The following CUL2 variants were observed in gnomAD, a reference collection of about 807,000 sequenced individuals.
The protein encoded by CUL2 is cullin-2.
CUL2 carries 22 observed loss-of-function variants against 110.2 expected under a neutral mutation model. The ratio of observed to expected loss-of-function variants is 0.20; its 90% CI spans 0.14 to 0.28. CUL2 has a LOEUF of 0.28. Ranked by LOEUF, CUL2 falls within the 10% of genes least tolerant of loss-of-function variation. The probability of loss-of-function intolerance (pLI) is 1.00; values close to 1 mark genes in which losing one functional copy is unlikely to be tolerated. For synonymous variants in CUL2, 279 were observed against 293.2 expected, an observed-to-expected ratio of 0.95 and a Z score of 0.49; for missense variants, 631 against 905.5, an observed-to-expected ratio of 0.70 and a Z score of 3.89.
intron 4 of CUL2, among the ~76,000 whole-genome samples, chr10:35,056,416 A>G (rs1185733787): frequency 6.6e-6 from 1 of 152,220 alleles, no homozygotes; most frequent in Non-Finnish European, 1.5e-5. Context: ...GCTGAATACT[A>G]TAAGACAGAT....
chr10:35,028,705 T>TA, intron 16 of CUL2, 105 bp downstream of exon 16: 8 of 664,322 alleles, frequency 1.2e-5, no homozygotes, highest in Non-Finnish European at 2.0e-5. Context: ...AATCTATTTT[T>TA]ATCACATGAA....
chr10:35,110,817 C>T (rs910713469), intron 1 of CUL2, among the ~76,000 whole-genome samples: 8 of 152,084 alleles, frequency 5.3e-5, no homozygotes, highest in Non-Finnish European at 1.0e-4. Flanking sequence ...GGTCCTATCC[C>T]GATGGCCTCA....
At chr10:35,118,066 A>G (rs2135142811) in intron 1 of CUL2, 1 of 152,318 alleles carries the variant, frequency 6.6e-6, no homozygotes, top group East Asian at 1.9e-4. Context: ...AAGTGCATAC[A>G]TTAGGCTTCA....
chr10:35,049,171 G>T (rs977661616), intron 6 of CUL2, among the ~76,000 whole-genome samples: 1 of 152,018 alleles, frequency 6.6e-6, no homozygotes, highest in East Asian at 1.9e-4. Flanking sequence ...ACAGCACTAG[G>T]GTAAAAAGTG....
chr10:35,036,323 A>C (rs1204289209), intron 9 of CUL2, among the ~76,000 whole-genome samples: 1 of 152,222 alleles, frequency 6.6e-6, no homozygotes, highest in Admixed American at 6.5e-5. Context: ...GTATGAATAT[A>C]CTGTACTATT....
chr10:35,047,683 C>T (rs1034445549), intron 6 of CUL2, among the ~76,000 whole-genome samples: 9 of 148,642 alleles, frequency 6.1e-5, no homozygotes, highest in African/African-American at 2.2e-4. Flanking sequence ...TTTTGGAGGC[C>T]GAGAAAGTTG....
intron 1 of CUL2, among the ~76,000 whole-genome samples, chr10:35,104,805 C>G (rs911282615): frequency 6.6e-6 from 1 of 151,936 alleles, no homozygotes; most frequent in Non-Finnish European, 1.5e-5. Flanking sequence ...TCTCAGCTCA[C>G]TACAACCTCC....
chr10:35,049,505 AG>A (rs2086038265), intron 6 of CUL2, among the ~76,000 whole-genome samples, 177 bp downstream of exon 6: 1 of 152,080 alleles, frequency 6.6e-6, no homozygotes, highest in African/African-American at 2.4e-5. Flanking sequence ...AAAAGAAAGA[AG>A]AAGAAGAAGA....
chr10:35,050,680 C>T (rs2086080110), intron 5 of CUL2, among the ~76,000 whole-genome samples: 1 of 152,192 alleles, frequency 6.6e-6, no homozygotes, highest in African/African-American at 2.4e-5. Flanking sequence ...CACTGCTATA[C>T]AGCATCCTGT....
intron 20 of CUL2, among the ~76,000 whole-genome samples, chr10:35,011,463 C>T (rs911636092): frequency 4.6e-5 from 7 of 151,954 alleles, no homozygotes; most frequent in African/African-American, 1.7e-4. Context: ...ACGAAAAATA[C>T]AAAAATTAGC....
rs747819683 is a variant in CUL2, at chr10:35,075,991, G to A, written c.-22-4652C>T. Among the ~76,000 whole-genome samples, 261 of 152,228 alleles carry A rather than the reference G, an allele frequency of 1.7e-3. 4 individuals are homozygous for A. Among genetic ancestry groups the A allele is most frequent in the Admixed American group, 1.1e-3 (17 of 15,284 alleles). On this transcript the variant is annotated intron_variant, in intron 1 of 20. Transcript: ENST00000374749. The stretch of plus-strand genomic sequence containing the variant: ...AAAAACTGGTACACAAATGTTCACT[G>A]TAGTATTATTCATAAAGGCCCTTGA...
upstream of CUL2, chr10:35,090,576 C>G (rs2087186026): frequency 6.6e-6 from 1 of 152,580 alleles, no homozygotes; most frequent in African/African-American, 2.4e-5. Context: ...CCGGCTTTGC[C>G]CAACACACAC....
At chr10:35,037,906 C>T (rs2085665517) in intron 9 of CUL2, among the ~76,000 whole-genome samples, 1 of 152,044 alleles carries the variant, frequency 6.6e-6, no homozygotes, top group Non-Finnish European at 1.5e-5. Context: ...GTAATCCCAG[C>T]ACTTCGGGAG....
intron 20 of CUL2, among the ~76,000 whole-genome samples, chr10:35,011,211 ATT>A (rs5784437): frequency 1.4e-4 from 19 of 133,718 alleles, no homozygotes; most frequent in Non-Finnish European, 1.7e-4. Flanking sequence ...TAATTTTTTA[ATT>A]TTTTTTTTTT....
intron 3 of CUL2, among the ~76,000 whole-genome samples, chr10:35,061,550 T>C (rs962068778): frequency 5.9e-5 from 9 of 152,118 alleles, no homozygotes; most frequent in African/African-American, 1.9e-4. Flanking sequence ...TTATCACTTA[T>C]GGTGTTAACC....
At chr10:35,048,550 T>A (rs1300185853) in intron 6 of CUL2, among the ~76,000 whole-genome samples, 1 of 152,180 alleles carries the variant, frequency 6.6e-6, no homozygotes, top group Non-Finnish European at 1.5e-5. Context: ...AAAAGAAAAG[T>A]TAGTATATTT....
intron 1 of CUL2, among the ~76,000 whole-genome samples, chr10:35,110,273 T>A (rs982025556): frequency 2.0e-5 from 3 of 152,076 alleles, no homozygotes; most frequent in Admixed American, 2.0e-4. Flanking sequence ...GATTAAAGAA[T>A]AGAAATTTAT....
chr10:35,026,531 A>G (rs1412293939), intron 16 of CUL2, among the ~76,000 whole-genome samples: 1 of 152,204 alleles, frequency 6.6e-6, no homozygotes, highest in Non-Finnish European at 1.5e-5. Flanking sequence ...TTTAAAAGGT[A>G]TATTCCAAGC....
chr10:35,081,323 C>T (rs905003091), intron 1 of CUL2, among the ~76,000 whole-genome samples: 1 of 152,190 alleles, frequency 6.6e-6, no homozygotes. Flanking sequence ...GACTGCACAG[C>T]CTATACTTTG....
Sources: gnomAD v4.1 joint callset for allele counts (sites outside exome capture counted in the v4.1 genomes callset) on GRCh38, gnomAD v4.1.1 for gene constraint, MANE v1.5 for transcripts, NCBI Gene and HGNC (gene_info 2026-07-23, HGNC 2026-07-21) for gene names.